The following RSRC1 variants were observed in gnomAD, a reference collection of about 807,000 sequenced individuals.
RSRC1 encodes arginine and serine rich coiled-coil 1, also known as serine/Arginine-related protein 53.
Under a neutral mutation model 49.1 loss-of-function variants are expected in RSRC1, and 39 were observed. The ratio of observed to expected loss-of-function variants is 0.79; its 90% CI spans 0.61 to 1.04. RSRC1 has a LOEUF of 1.04. Among genes scored for constraint, RSRC1 ranks in the 50% least tolerant of loss-of-function variants. RSRC1 has a pLI of 0.00. For synonymous variants in RSRC1, 143 were observed against 130.8 expected (o/e 1.09, Z -0.63); for missense variants, 388 against 402.4 (o/e 0.96, Z 0.31).
chr3:158,246,566 G>A (rs1418952112), intron 4 of RSRC1, among the ~76,000 whole-genome samples: 1 of 152,104 alleles, frequency 6.6e-6, no homozygotes, highest in Non-Finnish European at 1.5e-5. Context: ...GCCCTTACAA[G>A]GCAGGTCTGG....
chr3:158,284,093 T>C (rs1266494106), intron 4 of RSRC1, among the ~76,000 whole-genome samples: 20 of 149,496 alleles, frequency 1.3e-4, no homozygotes, highest in Non-Finnish European at 7.4e-5. Flanking sequence ...CTTCCTGTGT[T>C]CATGTGTTCT....
At chr3:158,283,936 A>G (rs1462383155) in intron 4 of RSRC1, among the ~76,000 whole-genome samples, 1 of 151,560 alleles carries the variant, frequency 6.6e-6, no homozygotes. Context: ...ACATGTGCAC[A>G]ATGTGCAGGT....
At chr3:158,265,492 G>C (rs768835988) in intron 4 of RSRC1, among the ~76,000 whole-genome samples, 1 of 152,006 alleles carries the variant, frequency 6.6e-6, no homozygotes, top group South Asian at 2.1e-4. Context: ...TTAGCCGGGC[G>C]TGGTAACGGA....
chr3:158,445,502 C>T (rs959901344), intron 6 of RSRC1, among the ~76,000 whole-genome samples: 14 of 151,434 alleles, frequency 9.2e-5, no homozygotes, highest in Middle Eastern at 3.4e-3. Flanking sequence ...CGGGGCATGT[C>T]GTGGGGTGGG....
chr3:158,358,714 A>G (rs530547292), intron 6 of RSRC1, among the ~76,000 whole-genome samples: 51 of 152,230 alleles, frequency 3.4e-4, no homozygotes, highest in Admixed American at 1.2e-3. Context: ...AAACATTGCA[A>G]TCACTCCAGA....
At chr3:158,196,981 G>T (rs1347622323) in intron 3 of RSRC1, among the ~76,000 whole-genome samples, 2 of 152,134 alleles carry the variant, frequency 1.3e-5, no homozygotes, top group Admixed American at 1.3e-4. Flanking sequence ...TTGTGTCTCT[G>T]CCAGGCTTTG....
intron 6 of RSRC1, among the ~76,000 whole-genome samples, chr3:158,388,890 T>C (rs1367824279): frequency 6.6e-6 from 1 of 152,210 alleles, no homozygotes; most frequent in Non-Finnish European, 1.5e-5. Flanking sequence ...ATTACAGGCA[T>C]GAGCCACTGC....
At position 158,511,550 on chromosome 3, in the gene RSRC1, C is replaced by A. The variant is rs553776247; in HGVS notation, c.653-25542C>A. On this transcript the variant is annotated intron_variant, in intron 7 of 9. Coordinates refer to ENST00000611884, the MANE Select transcript of RSRC1 (RefSeq NM_001271838.2). The stretch of plus-strand genomic sequence containing the variant: ...TTGGACATTTGGGTTGGTTCCAAGT[C>A]TTTGCTATTGTGAATAGTGCCGCAA... Among the ~76,000 whole-genome samples, 201 of 152,274 alleles carry A rather than the reference C, an allele frequency of 1.3e-3. 2 individuals carry two copies. The highest frequency in any genetic ancestry group is 4.6e-3 in the African/African-American group (192 of 41,550).
chr3:158,142,760 TAC>T (rs1316731818), intron 3 of RSRC1, among the ~76,000 whole-genome samples: 1 of 129,056 alleles, frequency 7.7e-6, no homozygotes, highest in Non-Finnish European at 1.7e-5. Flanking sequence ...TGATGACCCA[TAC>T]ACCTCCCACC....
intron 4 of RSRC1, among the ~76,000 whole-genome samples, chr3:158,273,994 T>G (rs1725665109): frequency 6.6e-6 from 1 of 152,184 alleles, no homozygotes; most frequent in Non-Finnish European, 1.5e-5. Context: ...ATCATAAACA[T>G]GGTAATGACC....
At chr3:158,375,323 G>T (rs1238098744) in intron 6 of RSRC1, among the ~76,000 whole-genome samples, 1 of 151,190 alleles carries the variant, frequency 6.6e-6, no homozygotes, top group Non-Finnish European at 1.5e-5. Context: ...CAACCCTCCT[G>T]GGTAGCTGGG....
intron 2 of RSRC1, among the ~76,000 whole-genome samples, chr3:158,123,362 C>T (rs4416342): frequency 0.67 from 101,704 of 151,350 alleles, 34,363 homozygotes; most frequent in East Asian, 0.83. Context: ...GGCGGGAGTG[C>T]AGCGGTGCAG....
intron 5 of RSRC1, among the ~76,000 whole-genome samples, chr3:158,345,792 CAT>C (rs1242376642): frequency 7.0e-6 from 1 of 143,296 alleles, no homozygotes; most frequent in African/African-American, 2.6e-5. Flanking sequence ...TATATATACA[CAT>C]ATATATGTAT....
intron 6 of RSRC1, among the ~76,000 whole-genome samples, chr3:158,379,866 C>T (rs1398441770): frequency 6.6e-6 from 1 of 150,996 alleles, no homozygotes; most frequent in East Asian, 2.0e-4. Context: ...CATTTGCTTG[C>T]TTCATTTTTC....
At chr3:158,136,192 A>G (rs1277224574) in intron 3 of RSRC1, among the ~76,000 whole-genome samples, 1 of 152,234 alleles carries the variant, frequency 6.6e-6, no homozygotes, top group Non-Finnish European at 1.5e-5. Context: ...ATCTTCATGT[A>G]TAAAGTATTA....
At chr3:158,307,535 C>T (rs1052061518) in intron 5 of RSRC1, among the ~76,000 whole-genome samples, 3 of 151,550 alleles carry the variant, frequency 2.0e-5, no homozygotes, top group East Asian at 1.9e-4. Context: ...GGTGTGGGAC[C>T]GTATTAATAT....
chr3:158,293,162 C>A (rs372323967), intron 4 of RSRC1, among the ~76,000 whole-genome samples: 1 of 152,052 alleles, frequency 6.6e-6, no homozygotes, highest in East Asian at 1.9e-4. Flanking sequence ...TATATGCAAA[C>A]CTTCCAGATA....
intron 3 of RSRC1, among the ~76,000 whole-genome samples, chr3:158,144,548 G>T (rs1262363768): frequency 6.6e-6 from 1 of 152,094 alleles, no homozygotes. Flanking sequence ...TGGACATTTG[G>T]GTTGGTTCCA....
chr3:158,282,922 G>A (rs1352899647), intron 4 of RSRC1, among the ~76,000 whole-genome samples: 3 of 152,154 alleles, frequency 2.0e-5, no homozygotes, highest in East Asian at 3.8e-4. Flanking sequence ...AGGACTTTTG[G>A]TGGTTAGTGA....
Sources: allele counts gnomAD v4.1 joint callset (sites outside exome capture counted in the v4.1 genomes callset), GRCh38; gene constraint gnomAD v4.1.1; transcripts MANE v1.5; gene names NCBI Gene and HGNC (gene_info 2026-07-23, HGNC 2026-07-21).